RBFOX1: variants seen among roughly 807,000 people sequenced by gnomAD.
RBFOX1 encodes the protein RNA binding fox-1 homolog 1.
RBFOX1 carries 8 observed loss-of-function variants against 57.7 expected under a neutral mutation model. The observed-to-expected ratio is 0.14, with a 90% CI of 0.08 to 0.25. RBFOX1 has a LOEUF of 0.25. Among genes scored for constraint, RBFOX1 ranks in the 10% least tolerant of loss-of-function variants. The pLI, the probability that RBFOX1 is intolerant of heterozygous loss-of-function variation, is 1.00. For missense variants in RBFOX1, 611 were observed against 548.5 expected (o/e 1.11, Z -1.14); for synonymous variants, 326 against 222.4 (o/e 1.47, Z -4.15).
At chr16:5,651,442 G>C (rs1400818465) in intron 3 of RBFOX1, among the ~76,000 whole-genome samples, 2 of 152,078 alleles carry the variant, frequency 1.3e-5, no homozygotes, top group African/African-American at 2.4e-5. Flanking sequence ...TGCCACCCCA[G>C]GTAGACACAC....
At chr16:5,668,349 C>T (rs2049913165) in intron 3 of RBFOX1, among the ~76,000 whole-genome samples, 1 of 152,144 alleles carries the variant, frequency 6.6e-6, no homozygotes, top group Non-Finnish European at 1.5e-5. Flanking sequence ...CATCTCTGAG[C>T]TGAATAAGCC....
chr16:5,610,054 C>G (rs1407758484), intron 3 of RBFOX1, among the ~76,000 whole-genome samples: 2 of 152,170 alleles, frequency 1.3e-5, no homozygotes, highest in African/African-American at 2.4e-5. Flanking sequence ...ACACTGAGCA[C>G]CACCCTCTGA....
chr16:6,316,964 T>C, intron 1 of RBFOX1, 31 bp from the exon 2 acceptor site: 1 of 1,524,600 alleles, frequency 6.6e-7, no homozygotes, highest in Admixed American at 2.0e-5. Context: ...CATTTCTTGA[T>C]ACTAAAGTCA....
At chr16:6,472,975 A>C (rs961026871) in intron 2 of RBFOX1, among the ~76,000 whole-genome samples, 5 of 152,144 alleles carry the variant, frequency 3.3e-5, no homozygotes, top group African/African-American at 1.2e-4. Flanking sequence ...GGAAGATAGC[A>C]TGATCATATA....
intron 2 of RBFOX1, among the ~76,000 whole-genome samples, chr16:6,573,240 C>A (rs150290354): frequency 1.3e-5 from 2 of 152,136 alleles, no homozygotes; most frequent in Non-Finnish European, 2.9e-5. Context: ...AGACGTGGGT[C>A]ATGGTGGGTT....
At chr16:7,056,060 C>G (rs1321653054) in intron 4 of RBFOX1, among the ~76,000 whole-genome samples, 1 of 152,136 alleles carries the variant, frequency 6.6e-6, no homozygotes, top group Admixed American at 6.6e-5. Context: ...TTGGACTGCA[C>G]TGGATATAGT....
chr16:7,540,631 G>A (rs943764551), intron 5 of RBFOX1, among the ~76,000 whole-genome samples: 2 of 152,166 alleles, frequency 1.3e-5, no homozygotes, highest in African/African-American at 4.8e-5. Flanking sequence ...CATAAAAGAT[G>A]TCCGTAAACC....
intron 4 of RBFOX1, among the ~76,000 whole-genome samples, chr16:7,235,320 C>G (rs560203962): frequency 1.6e-4 from 24 of 152,122 alleles, no homozygotes; most frequent in Middle Eastern, 3.2e-3. Context: ...ACCAGTGTGA[C>G]CATTCCCTAG....
chr16:7,178,501 A>G (rs925843107), intron 4 of RBFOX1, among the ~76,000 whole-genome samples: 3 of 152,168 alleles, frequency 2.0e-5, no homozygotes, highest in Non-Finnish European at 2.9e-5. Flanking sequence ...GTATCGATTG[A>G]CTGATAATCA....
chr16:6,957,295 C>A (rs28736283), intron 3 of RBFOX1, among the ~76,000 whole-genome samples: 1 of 151,314 alleles, frequency 6.6e-6, no homozygotes, highest in Non-Finnish European at 1.5e-5. Flanking sequence ...CTGCGCCAGG[C>A]TAATTTTTTG....
chr16:6,926,385 G>C (rs1183168605), intron 3 of RBFOX1, among the ~76,000 whole-genome samples: 1 of 152,200 alleles, frequency 6.6e-6, no homozygotes, highest in East Asian at 1.9e-4. Flanking sequence ...CCCGCCTGCA[G>C]AAAGTACCCA....
At chr16:7,153,323 C>T (rs759976973) in intron 4 of RBFOX1, among the ~76,000 whole-genome samples, 14 of 152,086 alleles carry the variant, frequency 9.2e-5, no homozygotes, top group Admixed American at 3.9e-4. Flanking sequence ...ATTTGATAAA[C>T]ATGATCTGAT....
chr16:5,474,290 G>A (rs11644546), intron 2 of RBFOX1, among the ~76,000 whole-genome samples: 1,960 of 152,344 alleles, frequency 0.013, 20 homozygotes, highest in Middle Eastern at 0.031. Context: ...GGCTGAGAAA[G>A]TAGATTGTAC....
intron 4 of RBFOX1, among the ~76,000 whole-genome samples, chr16:7,412,412 CAAAAAAA>C (rs376200574): frequency 7.6e-6 from 1 of 132,228 alleles, no homozygotes; most frequent in Non-Finnish European, 1.6e-5. Flanking sequence ...GACATTCTGC[CAAAAAAA>C]AAAAAAAAAG....
At chr16:7,380,358 G>A (rs2097764786) in intron 4 of RBFOX1, among the ~76,000 whole-genome samples, 1 of 152,042 alleles carries the variant, frequency 6.6e-6, no homozygotes, top group Non-Finnish European at 1.5e-5. Context: ...GATATTTTGT[G>A]CATATTAAAA....
At chr16:7,002,567 C>G (rs1026179733) in intron 3 of RBFOX1, among the ~76,000 whole-genome samples, 6 of 152,000 alleles carry the variant, frequency 3.9e-5, no homozygotes, top group African/African-American at 1.2e-4. Context: ...CAAAAATTTG[C>G]TGGGCGTGGT....
intron 14 of RBFOX1, among the ~76,000 whole-genome samples, chr16:7,682,670 A>G (rs1472033981): frequency 2.6e-5 from 4 of 151,656 alleles, no homozygotes; most frequent in African/African-American, 9.7e-5. Flanking sequence ...TGAGTCACTC[A>G]TGCCTTTATT....
intron 4 of RBFOX1, among the ~76,000 whole-genome samples, chr16:5,919,547 T>A (rs188575541): frequency 6.6e-6 from 1 of 152,256 alleles, no homozygotes; most frequent in Non-Finnish European, 1.5e-5. Context: ...TTTCCCCATG[T>A]TGGTCAGGTG....
intron 1 of RBFOX1, among the ~76,000 whole-genome samples, chr16:6,217,823 G>A (rs1023735543): frequency 7.2e-5 from 11 of 152,080 alleles, no homozygotes; most frequent in Non-Finnish European, 1.5e-4. Context: ...GAGACCAGCC[G>A]GGCGAACATG....
Sources: allele counts gnomAD v4.1 joint callset (sites outside exome capture counted in the v4.1 genomes callset), GRCh38; gene constraint gnomAD v4.1.1; transcripts MANE v1.5; gene names NCBI Gene and HGNC (gene_info 2026-07-23, HGNC 2026-07-21).